Variants in PXDNL observed in about 807,000 individuals in gnomAD.
PXDNL encodes the protein peroxidasin like, also known as probable oxidoreductase PXDNL.
A neutral mutation model predicts 150.8 loss-of-function variants in PXDNL; 145 were observed. That is an observed-to-expected ratio of 0.96 (90% CI 0.84 to 1.10). The LOEUF is 1.10. Ranked by LOEUF, PXDNL falls within the 50% of genes least tolerant of loss-of-function variation. The pLI is 0.00. For synonymous variants in PXDNL, 757 were observed against 725.7 expected, an observed-to-expected ratio of 1.04 and a Z score of -0.69; for missense variants, 2,087 against 1,873.9, an observed-to-expected ratio of 1.11 and a Z score of -2.10.
intron 12 of PXDNL, among the ~76,000 whole-genome samples, chr8:51,444,398 G>T (rs1405591967): frequency 6.6e-6 from 1 of 152,130 alleles, no homozygotes; most frequent in African/African-American, 2.4e-5. Flanking sequence ...GAGAAGTACT[G>T]CAACATACAC....
intron 4 of PXDNL, among the ~76,000 whole-genome samples, chr8:51,541,491 G>T (rs1049192973): frequency 6.6e-6 from 1 of 151,682 alleles, no homozygotes; most frequent in Non-Finnish European, 1.5e-5. Context: ...CCCACCCTGA[G>T]TGATTTCTGG....
chr8:51,591,080 C>T (rs934565098), intron 3 of PXDNL, among the ~76,000 whole-genome samples: 11 of 149,356 alleles, frequency 7.4e-5, no homozygotes, highest in African/African-American at 1.3e-4. Context: ...ATGCCATTAT[C>T]ATGGGAGTGG....
At chr8:51,596,087 T>C (rs1813559097) in intron 2 of PXDNL, among the ~76,000 whole-genome samples, 1 of 152,144 alleles carries the variant, frequency 6.6e-6, no homozygotes, top group Non-Finnish European at 1.5e-5. Flanking sequence ...GTGTCTATTG[T>C]TGCCCTCATT....
intron 2 of PXDNL, among the ~76,000 whole-genome samples, chr8:51,602,895 G>C (rs1314198266): frequency 6.7e-6 from 1 of 149,424 alleles, no homozygotes; most frequent in Non-Finnish European, 1.5e-5. Context: ...TTATGGCTTT[G>C]GATTTTGTAT....
At chr8:51,435,059 C>G (rs1002478647) in intron 12 of PXDNL, among the ~76,000 whole-genome samples, 10 of 152,164 alleles carry the variant, frequency 6.6e-5, no homozygotes, top group Admixed American at 2.6e-4. Context: ...TGGCTCAGGC[C>G]TGTAGTCACA....
intron 4 of PXDNL, among the ~76,000 whole-genome samples, chr8:51,506,412 G>A (rs907759687): frequency 4.6e-5 from 7 of 151,704 alleles, no homozygotes; most frequent in Admixed American, 1.3e-4. Context: ...ATGGTGGCGC[G>A]TGCCTGTAAT....
At chr8:51,604,483 A>T (rs959724224) in intron 2 of PXDNL, among the ~76,000 whole-genome samples, 1 of 152,132 alleles carries the variant, frequency 6.6e-6, no homozygotes, top group Admixed American at 6.5e-5. Flanking sequence ...GGAACATCAC[A>T]CACTGGGAAC....
At chr8:51,525,411 C>T (rs927241617) in intron 4 of PXDNL, among the ~76,000 whole-genome samples, 68 of 152,338 alleles carry the variant, frequency 4.5e-4, no homozygotes, top group Non-Finnish European at 1.0e-4. Context: ...GTAATTACCA[C>T]GTGTAACATT....
At chr8:51,757,868 C>G (rs1234178716) in intron 1 of PXDNL, among the ~76,000 whole-genome samples, 1 of 152,052 alleles carries the variant, frequency 6.6e-6, no homozygotes, top group Non-Finnish European at 1.5e-5. Context: ...TCTTCTATTT[C>G]TAGCCCCATC....
chr8:51,557,216 G>GT (rs1812618674), intron 3 of PXDNL, among the ~76,000 whole-genome samples: 1 of 152,032 alleles, frequency 6.6e-6, no homozygotes, highest in Admixed American at 6.6e-5. Context: ...AGAAAAATAT[G>GT]TTTGACTATA....
chr8:51,489,571 GC>G (rs1354918325), intron 5 of PXDNL, among the ~76,000 whole-genome samples: 4 of 152,110 alleles, frequency 2.6e-5, no homozygotes, highest in Non-Finnish European at 5.9e-5. Flanking sequence ...TCCCACTTCA[GC>G]CTCTCAAAGT....
At chr8:51,391,230 GA>G (rs1807897870) in intron 17 of PXDNL, among the ~76,000 whole-genome samples, 1 of 152,118 alleles carries the variant, frequency 6.6e-6, no homozygotes. Flanking sequence ...ATAGCAGCAT[GA>G]TTTATAGTCC....
At chr8:51,361,937 CAAAAAAAAAAAAAA>C (rs57092440) in intron 19 of PXDNL, among the ~76,000 whole-genome samples, 5 of 58,052 alleles carry the variant, frequency 8.6e-5, no homozygotes, top group South Asian at 2.0e-3. Context: ...GATTCCATCT[CAAAAAAAAAAAAAA>C]AAAAAAAAAA....
chr8:51,478,074 A>G, intron 6 of PXDNL, among the ~76,000 whole-genome samples: 1 of 152,258 alleles, frequency 6.6e-6, no homozygotes, highest in East Asian at 1.9e-4. Flanking sequence ...AGTAATCTTT[A>G]TAAATAATTT....
chr8:51,360,129 CAT>C (rs1388025512), intron 19 of PXDNL, among the ~76,000 whole-genome samples: 1 of 137,070 alleles, frequency 7.3e-6, no homozygotes, highest in Non-Finnish European at 1.5e-5. Context: ...TACACTTACT[CAT>C]GTGTATCCCA....
rs1807431957 is a variant in PXDNL, at chr8:51,378,676, T to C, written c.3558-3945A>G. The stretch of plus-strand genomic sequence containing the variant: ...TGAGCTGTAACACTCACTGTGAAGA[T>C]CTGCAACTTCACTGCTGAGGCCAGC... On this transcript the variant is annotated intron_variant, in intron 17 of 22. Transcript: ENST00000356297. Among the ~76,000 whole-genome samples, 5 of 152,290 alleles carry C rather than the reference T, an allele frequency of 3.3e-5. No homozygotes were observed. In the South Asian group the frequency reaches 1.0e-3, roughly 32 times the overall value.
At chr8:51,637,809 T>C (rs141758008) in intron 2 of PXDNL, among the ~76,000 whole-genome samples, 2,700 of 152,170 alleles carry the variant, frequency 0.018, 78 homozygotes, top group African/African-American at 0.063. Context: ...TTCCCCAACA[T>C]AGCAAGGCAG....
In PXDNL at chr8:51,627,523, TA is replaced by T. The variant is rs1057007144; in HGVS notation, c.236+27165del. ...AGAAACAGAAGATAAAATGTCAGAA[TA>T]AAAAAAATACCATGAGACGAGGTGA... On this transcript the variant is annotated intron_variant, in intron 2 of 22. Coordinates refer to ENST00000356297, the MANE Select transcript of PXDNL (RefSeq NM_144651.5). Among the ~76,000 whole-genome samples, 6 of 151,614 alleles carry T rather than the reference TA, an allele frequency of 4.0e-5. No homozygotes were observed. In the South Asian group the frequency reaches 6.2e-4, roughly 16 times the overall value.
rs766611696 is a variant in PXDNL at position 51,408,824 on chromosome 8, A to G, written c.2800T>C (p.Leu934=). 3.2e-5 allele frequency: 51 copies of G among 1,572,134 alleles called. No individual in the cohort carries two copies. The South Asian group carries it at 4.4e-4, about 14-fold the overall frequency. The part of the protein sequence containing the change: ...FPWPPSGKPL[L]PFSTGPPTEC... ...GTGGGTGGGCCTGTAGAAAAGGGCA[A>G]TAAGGGCTTTCCGGAGGGAGGCCAA... Residue 934 remains leucine (L), a synonymous_variant, in exon 17 of 23, where the codon TTG becomes CTG. Transcript: ENST00000356297.
Sources: gnomAD v4.1 joint callset for allele counts (sites outside exome capture counted in the v4.1 genomes callset) on GRCh38, gnomAD v4.1.1 for gene constraint, MANE v1.5 for transcripts, NCBI Gene and HGNC (gene_info 2026-07-23, HGNC 2026-07-21) for gene names.